The following RTL4 variants were observed in gnomAD, a reference collection of about 807,000 sequenced individuals.
RTL4 encodes retrotransposon Gag like 4.
In RTL4, 4 loss-of-function variants were observed where a neutral mutation model predicts 5.3. The observed-to-expected ratio is 0.75, with a 90% CI of 0.37 to 1.72. The LOEUF is 1.72. RTL4 is among the 40% of genes most tolerant of loss of function. The probability of loss-of-function intolerance (pLI) is 0.04; values close to 1 mark genes in which losing one functional copy is unlikely to be tolerated. For synonymous variants in RTL4, 98 were observed against 87.3 expected (o/e 1.12, Z -0.68); for missense variants, 260 against 227.1 (o/e 1.14, Z -0.93).
chrX:112,393,065 T>C, the RTL4 span, among the ~76,000 whole-genome samples: 1 of 110,541 alleles, frequency 9.0e-6, no homozygotes, highest in Admixed American at 9.5e-5. Context: ...TCCCACCCAG[T>C]GAAGAGGAAT....
the RTL4 span, among the ~76,000 whole-genome samples, chrX:112,300,742 G>C: frequency 8.9e-6 from 1 of 112,229 alleles, no homozygotes; most frequent in Non-Finnish European, 1.9e-5. Context: ...AAACAGATTC[G>C]CATCCATCGT....
At chrX:112,105,715 A>T in the RTL4 span, among the ~76,000 whole-genome samples, 64 of 111,399 alleles carry the variant, frequency 5.7e-4, 1 homozygote, top group East Asian at 0.016. Context: ...AATGCTACTG[A>T]TTTTGTATGT....
chrX:112,328,525 A>G, the RTL4 span, among the ~76,000 whole-genome samples: 263 of 111,708 alleles, frequency 2.4e-3, 1 homozygote, highest in African/African-American at 7.7e-3. Flanking sequence ...TGAGTGACCT[A>G]CAAAGAGGCT....
the RTL4 span, among the ~76,000 whole-genome samples, chrX:112,104,005 A>G: frequency 1.8e-5 from 2 of 111,241 alleles, no homozygotes; most frequent in Non-Finnish European, 3.8e-5. Context: ...TTCCTCCTAT[A>G]TAACTGAAAT....
chrX:112,200,616 T>C, the RTL4 span, among the ~76,000 whole-genome samples: 1 of 111,777 alleles, frequency 8.9e-6, no homozygotes, highest in African/African-American at 3.3e-5. Context: ...GAAGGACAGG[T>C]TCAGGTACTG....
chrX:112,358,621 C>T, the RTL4 span, among the ~76,000 whole-genome samples: 6 of 111,623 alleles, frequency 5.4e-5, no homozygotes, highest in African/African-American at 9.8e-5. Flanking sequence ...CTACTCTTGA[C>T]TTCTGTAGTA....
the RTL4 span, among the ~76,000 whole-genome samples, chrX:112,383,578 G>A: frequency 2.7e-5 from 3 of 111,528 alleles, no homozygotes; most frequent in Non-Finnish European, 5.7e-5. Context: ...TTCTGAAGGG[G>A]AAGACACGAA....
chrX:112,107,005 A>G, the RTL4 span, among the ~76,000 whole-genome samples: 1 of 111,590 alleles, frequency 9.0e-6, no homozygotes, highest in Admixed American at 9.5e-5. Context: ...TGCTGTGCAG[A>G]AGTTTTTTAG....
At chrX:112,296,150 C>T in the RTL4 span, among the ~76,000 whole-genome samples, 1 of 110,811 alleles carries the variant, frequency 9.0e-6, no homozygotes, top group African/African-American at 3.3e-5. Flanking sequence ...ACTGATCCTT[C>T]CTTCCTCTCT....
chrX:112,234,107 G>A, the RTL4 span, among the ~76,000 whole-genome samples: 11 of 110,929 alleles, frequency 9.9e-5, no homozygotes, highest in African/African-American at 3.3e-4. Flanking sequence ...CAGGAGAATG[G>A]AGTGAACCCG....
chrX:112,393,304 G>A, the RTL4 span, among the ~76,000 whole-genome samples: 2 of 108,388 alleles, frequency 1.8e-5, no homozygotes, highest in African/African-American at 6.7e-5. Flanking sequence ...CTCCTGAGTA[G>A]CTGGGACAGT....
chrX:112,130,331 T>C, the RTL4 span, among the ~76,000 whole-genome samples: 2 of 107,598 alleles, frequency 1.9e-5, no homozygotes, highest in South Asian at 8.4e-4. Context: ...TTAGTGTAGA[T>C]AGACAATTAG....
At chrX:112,356,885 C>T in the RTL4 span, among the ~76,000 whole-genome samples, 38,416 of 110,099 alleles carry the variant, frequency 0.35, 6,728 homozygotes, top group African/African-American at 0.68. Flanking sequence ...TGTCCTTTGA[C>T]CAGGGACCAA....
the RTL4 span, among the ~76,000 whole-genome samples, chrX:112,105,969 A>G: frequency 1.8e-5 from 2 of 112,023 alleles, no homozygotes; most frequent in Non-Finnish European, 3.8e-5. Flanking sequence ...GATCTTACAG[A>G]AAAAGTTTTC....
the RTL4 span, among the ~76,000 whole-genome samples, chrX:112,307,527 A>G: frequency 2.7e-5 from 3 of 112,019 alleles, no homozygotes; most frequent in Admixed American, 1.9e-4. Flanking sequence ...AGGTCTTCCC[A>G]CTGCAAGTGA....
the RTL4 span, among the ~76,000 whole-genome samples, chrX:112,385,026 A>G: frequency 1.8e-5 from 2 of 111,088 alleles, no homozygotes; most frequent in East Asian, 2.8e-4. Context: ...CTGTTGGTGT[A>G]TAGGAATGCT....
chrX:112,088,388 C>T, the RTL4 span, among the ~76,000 whole-genome samples: 1 of 111,458 alleles, frequency 9.0e-6, no homozygotes, highest in Non-Finnish European at 1.9e-5. Context: ...ATAATCAGTA[C>T]TTAATTTCTT....
At chrX:112,456,174 T>C (rs1252116519) in exon 1 of RTL4, 1 of 302,122 alleles carries the variant, frequency 3.3e-6, no homozygotes, top group East Asian at 4.8e-5. Flanking sequence ...CCTCCTAGAG[T>C]TTGGACCATG....
the RTL4 span, among the ~76,000 whole-genome samples, chrX:112,416,859 A>G: frequency 8.9e-6 from 1 of 111,922 alleles, no homozygotes; most frequent in Non-Finnish European, 1.9e-5. Flanking sequence ...GGGGCCACAC[A>G]GTATCCAAGA....
Sources: gnomAD v4.1 joint callset for allele counts (sites outside exome capture counted in the v4.1 genomes callset) on GRCh38, gnomAD v4.1.1 for gene constraint, MANE v1.5 for transcripts, NCBI Gene and HGNC (gene_info 2026-07-23, HGNC 2026-07-21) for gene names.